Variants in ACVR2A observed in about 807,000 individuals in gnomAD.
ACVR2A encodes the protein activin receptor type-2A.
Under a neutral mutation model 61.4 loss-of-function variants are expected in ACVR2A, and 7 were observed. The observed-to-expected ratio is 0.11, with a 90% CI of 0.06 to 0.21. The LOEUF is 0.21. Ranked by LOEUF, ACVR2A falls within the 10% of genes least tolerant of loss-of-function variation. ACVR2A has a pLI of 1.00. For synonymous variants in ACVR2A, 193 were observed against 208.3 expected (o/e 0.93, Z 0.63); for missense variants, 322 against 621.7 (o/e 0.52, Z 5.13).
intron 1 of ACVR2A, among the ~76,000 whole-genome samples, chr2:147,848,848 T>C (rs1685382091): frequency 6.6e-6 from 1 of 152,106 alleles, no homozygotes; most frequent in South Asian, 2.1e-4. Flanking sequence ...TTCTAAACTC[T>C]TAAATTTTAA....
intron 1 of ACVR2A, among the ~76,000 whole-genome samples, chr2:147,884,385 G>C (rs913620947): frequency 6.6e-6 from 1 of 152,056 alleles, no homozygotes; most frequent in African/African-American, 2.4e-5. Flanking sequence ...CTTAAAACCC[G>C]GGCATTTGTA....
At position 147,886,155 on chromosome 2, in the gene ACVR2A, AAAAC is replaced by A. The variant is rs371083096; in HGVS notation, c.56-10145_56-10142del. 2.4e-4 allele frequency among the ~76,000 whole-genome samples: 36 copies of A among 152,318 alleles called. No individual in the cohort carries two copies. The East Asian group carries it at 6.9e-3, about 29-fold the overall frequency. ...TGTATAGTATTCTTGATACTTAAAAAAAACTATACTGTAAGATGTTTTGGATTAA... is the reference window on the plus strand; with the variant it reads ...TGTATAGTATTCTTGATACTTAAAAATATACTGTAAGATGTTTTGGATTAA... On this transcript the variant is annotated intron_variant, in intron 1 of 10. Coordinates refer to ENST00000241416, the MANE Select transcript of ACVR2A (RefSeq NM_001616.5).
At chr2:147,902,592 T>C (rs1686896146) in intron 4 of ACVR2A, among the ~76,000 whole-genome samples, 1 of 151,994 alleles carries the variant, frequency 6.6e-6, no homozygotes, top group Non-Finnish European at 1.5e-5. Context: ...GGCATATTCA[T>C]GTGTTTTCCA....
chr2:147,847,828 C>T (rs922845708), intron 1 of ACVR2A, among the ~76,000 whole-genome samples: 5 of 152,254 alleles, frequency 3.3e-5, no homozygotes, highest in Non-Finnish European at 7.4e-5. Context: ...CTTTTTATAG[C>T]ATTGTGGTTT....
intron 4 of ACVR2A, chr2:147,900,637 T>C (rs1686850449): frequency 6.6e-6 from 1 of 152,078 alleles, no homozygotes; most frequent in Admixed American, 6.6e-5. Flanking sequence ...GTCTGGTATT[T>C]ATAAGGACTT....
At chr2:147,908,801 A>C (rs928874370) in intron 4 of ACVR2A, among the ~76,000 whole-genome samples, 1 of 152,084 alleles carries the variant, frequency 6.6e-6, no homozygotes, top group African/African-American at 2.4e-5. Flanking sequence ...TTGTTGAGTG[A>C]GGTATCTCCA....
At chr2:147,853,333 G>C in intron 1 of ACVR2A, among the ~76,000 whole-genome samples, 1 of 152,068 alleles carries the variant, frequency 6.6e-6, no homozygotes, top group Non-Finnish European at 1.5e-5. Context: ...CTAAACATTA[G>C]TGGCTCAATA....
At chr2:147,925,454 G>A (rs1219438937) in intron 9 of ACVR2A, among the ~76,000 whole-genome samples, 2 of 151,914 alleles carry the variant, frequency 1.3e-5, no homozygotes, top group Admixed American at 6.6e-5. Context: ...GACTTGTTGG[G>A]ACCCCTAGTT....
chr2:147,912,959 A>G (rs1387752746), intron 4 of ACVR2A, among the ~76,000 whole-genome samples: 1 of 151,856 alleles, frequency 6.6e-6, no homozygotes, highest in East Asian at 1.9e-4. Flanking sequence ...ACTATACAAT[A>G]TTGAATAAAT....
chr2:147,889,865 G>A lies in ACVR2A; in HGVS notation c.56-6436G>A, dbSNP rs1439416274. Among the ~76,000 whole-genome samples the A allele has an allele frequency of 2.0e-5, 3 of 151,466 alleles. No homozygotes were observed. In the South Asian group the frequency reaches 6.3e-4, roughly 32 times the overall value. On this transcript the variant is annotated intron_variant, in intron 1 of 10. Coordinates refer to ENST00000241416, the MANE Select transcript of ACVR2A (RefSeq NM_001616.5). ...AGAATGAAGCAGTCAGTACTAGTCA[G>A]TAAACCATAAGCAGTACTTTGAATA...
chr2:147,899,657 C>T (rs1345222720), intron 3 of ACVR2A, 87 bp from the exon 4 acceptor site: 4 of 1,586,524 alleles, frequency 2.5e-6, no homozygotes, highest in Non-Finnish European at 3.4e-6. Flanking sequence ...GCCCCTACCT[C>T]TTCCCCAAAA....
intron 1 of ACVR2A, among the ~76,000 whole-genome samples, chr2:147,880,464 T>A (rs1356474126): frequency 2.6e-5 from 4 of 152,190 alleles, no homozygotes; most frequent in Admixed American, 6.5e-5. Flanking sequence ...ATTAACATGA[T>A]TTTAAAAATA....
intron 1 of ACVR2A, among the ~76,000 whole-genome samples, chr2:147,873,914 G>A (rs1167332172): frequency 2.0e-5 from 3 of 151,936 alleles, no homozygotes; most frequent in East Asian, 1.9e-4. Context: ...CACAAGAGAA[G>A]CCATTGAGAT....
chr2:147,846,381 G>GGGGT (rs1421005306), intron 1 of ACVR2A, among the ~76,000 whole-genome samples: 2 of 151,312 alleles, frequency 1.3e-5, no homozygotes, highest in African/African-American at 4.9e-5. Context: ...GTACCTCTGT[G>GGGGT]GGGTGTGTGT....
chr2:147,904,125 A>T (rs373213305), intron 4 of ACVR2A, among the ~76,000 whole-genome samples: 1 of 151,978 alleles, frequency 6.6e-6, no homozygotes, highest in Non-Finnish European at 1.5e-5. Flanking sequence ...GAAGCATCCT[A>T]TCTGTTTTCG....
At chr2:147,857,252 G>A (rs747184198) in intron 1 of ACVR2A, among the ~76,000 whole-genome samples, 1 of 152,016 alleles carries the variant, frequency 6.6e-6, no homozygotes, top group Non-Finnish European at 1.5e-5. Flanking sequence ...TGTATCCCTA[G>A]AATATCCCCA....
At chr2:147,887,599 T>A (rs995273013) in intron 1 of ACVR2A, among the ~76,000 whole-genome samples, 2 of 152,144 alleles carry the variant, frequency 1.3e-5, no homozygotes, top group African/African-American at 2.4e-5. Context: ...TTTATAAAAA[T>A]TAATTTTTTA....
chr2:147,928,397 C>T lies in ACVR2A; in HGVS notation c.*1123C>T, dbSNP rs926309206. On this transcript the variant is annotated 3_prime_UTR_variant, in exon 11 of 11. Transcript: ENST00000241416. ...GGAAGTGTCGTTACCCAGAATTCCC[C>T]ACTGTCTGCTATGAGACTTGTAACT... is the stretch of plus-strand genomic sequence containing the variant. 2.6e-5 allele frequency: 4 copies of T among 152,098 alleles called. No homozygotes were observed. The highest frequency in any genetic ancestry group is 9.7e-5 in the African/African-American group (4 of 41,342). The allele number at this position is 152,098 out of a possible 1,614,324, so 9.4% of individuals were successfully genotyped here.
At chr2:147,877,646 T>G (rs939237229) in intron 1 of ACVR2A, 6 of 152,172 alleles carry the variant, frequency 3.9e-5, no homozygotes, top group Non-Finnish European at 8.8e-5. Context: ...TTTTACTCTT[T>G]GCTTAGTAAA....
Sources: allele counts gnomAD v4.1 joint callset (sites outside exome capture counted in the v4.1 genomes callset), GRCh38; gene constraint gnomAD v4.1.1; transcripts MANE v1.5; gene names NCBI Gene and HGNC (gene_info 2026-07-23, HGNC 2026-07-21).